Variants in SAXO5 observed in about 807,000 individuals in gnomAD.
The protein encoded by SAXO5 is testis expressed 45.
At chr19:7,501,439 A>T in the SAXO5 span, 1 of 1,439,396 alleles carries the variant, frequency 6.9e-7, no homozygotes. Context: ...TTTGCTTCAC[A>T]TTGTGGTTCT....
At chr19:7,506,113 G>C in the SAXO5 span, 605 of 1,612,954 alleles carry the variant, frequency 3.8e-4, no homozygotes, top group Non-Finnish European at 4.5e-4. Flanking sequence ...GACAGGTGCA[G>C]AAAGCGCCCA....
At chr19:7,506,815 T>A in the SAXO5 span, 75 of 302,398 alleles carry the variant, frequency 2.5e-4, no homozygotes, top group Middle Eastern at 1.2e-3. Context: ...ACCTCCTCCC[T>A]CTTCCCCAGC....
the SAXO5 span, among the ~76,000 whole-genome samples, chr19:7,503,572 C>T: frequency 1.3e-5 from 2 of 151,960 alleles, no homozygotes; most frequent in African/African-American, 4.8e-5. Flanking sequence ...GCAACCTCCA[C>T]CTCCCAAGTT....
chr19:7,505,388 T>A, the SAXO5 span: 3 of 1,614,210 alleles, frequency 1.9e-6, no homozygotes, highest in Non-Finnish European at 1.7e-6. Context: ...TGACGGCCTC[T>A]TCCGCGACAG....
At chr19:7,504,038 A>G in the SAXO5 span, 1 of 1,008,678 alleles carries the variant, frequency 9.9e-7, no homozygotes. Flanking sequence ...CAGGCAAGAA[A>G]TAGAATTCCT....
At chr19:7,501,519 G>A in the SAXO5 span, 1 of 1,220,058 alleles carries the variant, frequency 8.2e-7, no homozygotes, top group South Asian at 1.8e-5. Flanking sequence ...AAACGCTTTT[G>A]GTGGTCAGGA....
the SAXO5 span, chr19:7,505,499 C>G: frequency 6.2e-7 from 1 of 1,613,936 alleles, no homozygotes; most frequent in Non-Finnish European, 8.5e-7. Flanking sequence ...AGCTCTGCAC[C>G]TGTTCCGCTT....
the SAXO5 span, chr19:7,506,214 C>A: frequency 1.5e-6 from 2 of 1,370,922 alleles, no homozygotes; most frequent in Non-Finnish European, 9.5e-7. Flanking sequence ...CCCCGGGAAG[C>A]CCCACCCCCG....
the SAXO5 span, chr19:7,500,827 C>A: frequency 6.7e-7 from 1 of 1,484,416 alleles, no homozygotes; most frequent in Admixed American, 2.2e-5. Flanking sequence ...CCCGCGATGG[C>A]CACAGGCGCC....
chr19:7,506,703 C>A, the SAXO5 span: 1 of 368,316 alleles, frequency 2.7e-6, no homozygotes, highest in East Asian at 7.0e-5. Flanking sequence ...AAGCTCCTCC[C>A]CCTTTCTCTG....
the SAXO5 span, chr19:7,507,008 C>T: frequency 1.3e-6 from 2 of 1,507,372 alleles, no homozygotes; most frequent in South Asian, 2.3e-5. Flanking sequence ...CCCTCAGCCC[C>T]GCCTCGGCCC....
At chr19:7,505,694 A>G in the SAXO5 span, 1 of 1,455,194 alleles carries the variant, frequency 6.9e-7, no homozygotes, top group East Asian at 2.3e-5. Context: ...GCAGGTGCAG[A>G]AGTCCCAAAG....
the SAXO5 span, chr19:7,506,254 ATGGAGCCCCG>A: frequency 3.4e-6 from 3 of 870,420 alleles, no homozygotes; most frequent in Admixed American, 8.4e-5. Context: ...GCCCCTCCCC[ATGGAGCCCCG>A]CCCCCACGGA....
chr19:7,506,995 A>G, the SAXO5 span: 3 of 1,408,508 alleles, frequency 2.1e-6, no homozygotes, highest in South Asian at 1.2e-5. Context: ...GAACTTCACC[A>G]CACCCTCAGC....
chr19:7,506,985 G>T, the SAXO5 span: 1 of 1,308,856 alleles, frequency 7.6e-7, no homozygotes, highest in South Asian at 1.2e-5. Flanking sequence ...CCCTTCCCTT[G>T]AACTTCACCA....
chr19:7,499,960 G>GTGTGTGTGTA, the SAXO5 span: 6 of 151,576 alleles, frequency 4.0e-5, no homozygotes, highest in African/African-American at 1.5e-4. Context: ...GTGTGTGTGT[G>GTGTGTGTGTA]TGTGTGGAGA....
At chr19:7,500,796 CCT>C in the SAXO5 span, 2 of 1,432,018 alleles carry the variant, frequency 1.4e-6, no homozygotes, top group Non-Finnish European at 1.8e-6. Context: ...TCATCTCCAC[CCT>C]CTCGCAGGTG....
At chr19:7,501,255 A>G in the SAXO5 span, 12 of 1,567,846 alleles carry the variant, frequency 7.7e-6, no homozygotes, top group Admixed American at 3.5e-5. Context: ...CCGAGAGCGG[A>G]TCCGCGGCGC....
the SAXO5 span, among the ~76,000 whole-genome samples, chr19:7,497,839 G>A: frequency 8.2e-4 from 124 of 152,146 alleles, no homozygotes; most frequent in Middle Eastern, 0.014. Context: ...ACTATTGCAG[G>A]GGGCAAATGA....
Sources: allele counts gnomAD v4.1 joint callset (sites outside exome capture counted in the v4.1 genomes callset), GRCh38; gene constraint gnomAD v4.1.1; transcripts MANE v1.5; gene names NCBI Gene and HGNC (gene_info 2026-07-23, HGNC 2026-07-21).